Variants in BIRC6 observed in about 807,000 individuals in gnomAD.
The protein encoded by BIRC6 is baculoviral IAP repeat containing 6, also known as dual E2 ubiquitin-conjugating enzyme/E3 ubiquitin-protein ligase BIRC6.
A neutral mutation model predicts 503.3 loss-of-function variants in BIRC6; 98 were observed. That is an observed-to-expected ratio of 0.19 (90% confidence interval 0.17 to 0.23). The LOEUF is 0.23. BIRC6 is among the 10% of genes least tolerant of loss of function. The pLI is 1.00. For missense variants in BIRC6, 5,360 were observed against 5,806.0 expected, an observed-to-expected ratio of 0.92 and a Z score of 2.50; for synonymous variants, 2,240 against 2,078.7, an observed-to-expected ratio of 1.08 and a Z score of -2.11.
At chr2:32,439,736 G>C (rs762968368) in intron 16 of BIRC6, 50 bp downstream of exon 16, 19 of 1,531,604 alleles carry the variant, frequency 1.2e-5, no homozygotes, top group Non-Finnish European at 1.6e-5. Context: ...AAACATTGTG[G>C]ATCAGATTTA....
chr2:32,560,117 CTTAAAGAAAAGCATACTTACGTAACTA>C (rs1237112850), intron 65 of BIRC6, among the ~76,000 whole-genome samples: 1 of 152,102 alleles, frequency 6.6e-6, no homozygotes, highest in African/African-American at 2.4e-5. Context: ...TAGAATTTGA[CTTAAAGAAAAGCATACTTACGTAACTA>C]ATGGTTGTCA....
rs1394007379 is a variant in BIRC6 at position 32,433,818 on chromosome 2, A to T, written c.3409+14A>T. ...GGAAAGTCAATGGTAAGAATGTATC[A>T]AAATTTATCTTTGAAGATTTTATTT... On this transcript the variant is annotated intron_variant, in intron 13 of 73. Coordinates refer to ENST00000421745, the MANE Select transcript of BIRC6 (RefSeq NM_016252.4). The T allele has an allele frequency of 6.7e-7, 1 of 1,491,516 alleles. No individual in the cohort carries two copies. Among genetic ancestry groups the T allele is most frequent in the South Asian group, 1.4e-5 (1 of 72,432 alleles). The allele number at this position is 1,491,516 out of a possible 1,614,324, so 92.4% of individuals were successfully genotyped here. A position where few individuals can be genotyped will look rare whatever the true frequency, so the allele number is the denominator to read the frequency against.
At chr2:32,575,084 G>T in intron 65 of BIRC6, 72 bp from the exon 66 acceptor site, 1 of 1,517,718 alleles carries the variant, frequency 6.6e-7, no homozygotes, top group Non-Finnish European at 9.1e-7. Flanking sequence ...CCAGGTAAAA[G>T]CTACATTCCT....
chr2:32,397,690 A>G (rs200700083), intron 6 of BIRC6, among the ~76,000 whole-genome samples: 2 of 116,096 alleles, frequency 1.7e-5, no homozygotes, highest in African/African-American at 6.6e-5. Context: ...ACACATATAT[A>G]TGTACACACA....
At chr2:32,364,334 G>T (rs1397150551) in intron 1 of BIRC6, among the ~76,000 whole-genome samples, 5 of 152,064 alleles carry the variant, frequency 3.3e-5, no homozygotes, top group African/African-American at 7.2e-5. Flanking sequence ...CTGCCTCCCG[G>T]GTTCAAGCGA....
At chr2:32,423,155 C>G (rs2043119241) in intron 10 of BIRC6, among the ~76,000 whole-genome samples, 3 of 152,152 alleles carry the variant, frequency 2.0e-5, no homozygotes, top group Admixed American at 2.0e-4. Context: ...GTCTCTAACT[C>G]CTGACCTTAA....
At chr2:32,392,929 C>T (rs1378626890) in intron 5 of BIRC6, among the ~76,000 whole-genome samples, 1 of 152,066 alleles carries the variant, frequency 6.6e-6, no homozygotes, top group Non-Finnish European at 1.5e-5. Flanking sequence ...GTGTGAGACA[C>T]TGTGCTAGGC....
intron 65 of BIRC6, among the ~76,000 whole-genome samples, chr2:32,551,521 A>G (rs989670508): frequency 9.2e-5 from 14 of 152,128 alleles, no homozygotes; most frequent in African/African-American, 2.9e-4. Context: ...GCCCCATGTG[A>G]TCTGCCCACC....
chr2:32,527,547 A>G (rs879400089), intron 59 of BIRC6: 2 of 152,380 alleles, frequency 1.3e-5, no homozygotes, highest in Non-Finnish European at 2.9e-5. Context: ...TGTTGTTGCC[A>G]ATACTTGGAA....
intron 19 of BIRC6, among the ~76,000 whole-genome samples, chr2:32,442,861 A>G (rs2045569825): frequency 6.6e-6 from 1 of 152,088 alleles, no homozygotes; most frequent in South Asian, 2.1e-4. Flanking sequence ...ACCCTGAAAC[A>G]AATTAGAACA....
At chr2:32,601,406 A>G (rs1019590322) in intron 70 of BIRC6, among the ~76,000 whole-genome samples, 4 of 152,016 alleles carry the variant, frequency 2.6e-5, no homozygotes, top group African/African-American at 9.7e-5. Context: ...ACATGGAGAA[A>G]CCCCGTCTCT....
intron 15 of BIRC6, among the ~76,000 whole-genome samples, chr2:32,437,912 G>T (rs1430567310): frequency 6.6e-6 from 1 of 152,142 alleles, no homozygotes; most frequent in African/African-American, 2.4e-5. Context: ...CAATGAGAGT[G>T]TGCATCTTAA....
chr2:32,617,278 G>A (rs1407719692), intron 73 of BIRC6, among the ~76,000 whole-genome samples: 1 of 152,068 alleles, frequency 6.6e-6, no homozygotes, highest in Non-Finnish European at 1.5e-5. Flanking sequence ...GCGCCCACCT[G>A]TACTCCCAGC....
intron 65 of BIRC6, among the ~76,000 whole-genome samples, chr2:32,568,384 TC>T: frequency 6.8e-6 from 1 of 147,770 alleles, no homozygotes; most frequent in Non-Finnish European, 1.5e-5. Context: ...TCCCAGCTGC[TC>T]TGGAATGTGA....
chr2:32,483,617 C>A (rs149396693), intron 39 of BIRC6, among the ~76,000 whole-genome samples: 1 of 152,174 alleles, frequency 6.6e-6, no homozygotes, highest in Non-Finnish European at 1.5e-5. Flanking sequence ...TGCATTTAAT[C>A]GTCACGTCTC....
In BIRC6 at chr2:32,442,255, G is replaced by A. The variant is rs917292306; in HGVS notation, c.4106+29G>A. ...AATAATTAAAATTTTGCTTACCACT[G>A]TTGATTGCCTTTTAGATGTTATGAT... is the stretch of plus-strand genomic sequence containing the variant. On this transcript the variant is annotated intron_variant, in intron 18 of 73. Coordinates refer to ENST00000421745, the MANE Select transcript of BIRC6 (RefSeq NM_016252.4). 5.0e-6 allele frequency: 8 copies of A among 1,604,800 alleles called. No homozygotes were observed. In the African/African-American group the frequency reaches 9.4e-5, roughly 19 times the overall value.
intron 1 of BIRC6, among the ~76,000 whole-genome samples, chr2:32,359,727 A>T (rs1278087589): frequency 6.6e-6 from 1 of 152,158 alleles, no homozygotes; most frequent in African/African-American, 2.4e-5. Flanking sequence ...ATTTATTATT[A>T]TTTGTAAAAT....
At chr2:32,397,668 AT>A (rs2040102435) in intron 6 of BIRC6, among the ~76,000 whole-genome samples, 1 of 135,420 alleles carries the variant, frequency 7.4e-6, no homozygotes, top group Admixed American at 8.1e-5. Context: ...ATGTGTATAT[AT>A]ATATACACAC....
At chr2:32,429,859 A>G (rs1328599847) in intron 11 of BIRC6, among the ~76,000 whole-genome samples, 1 of 152,180 alleles carries the variant, frequency 6.6e-6, no homozygotes, top group East Asian at 1.9e-4. Flanking sequence ...GAGTTAACCA[A>G]GGTGTCTTGG....
Sources: allele counts gnomAD v4.1 joint callset (sites outside exome capture counted in the v4.1 genomes callset), GRCh38; gene constraint gnomAD v4.1.1; transcripts MANE v1.5; gene names NCBI Gene and HGNC (gene_info 2026-07-23, HGNC 2026-07-21).